SPAG16: variants seen among roughly 807,000 people sequenced by gnomAD.
The protein encoded by SPAG16 is sperm associated antigen 16.
A neutral mutation model predicts 80.4 loss-of-function variants in SPAG16; 86 were observed. The observed-to-expected ratio is 1.07, with a 90% CI of 0.90 to 1.28. The LOEUF is 1.28. Ranked by LOEUF, SPAG16 falls within the 50% of genes most tolerant of loss-of-function variation. SPAG16 has a pLI of 0.00. For missense variants in SPAG16, 870 were observed against 765.3 expected (o/e 1.14, Z -1.61); for synonymous variants, 294 against 265.9 (o/e 1.11, Z -1.03).
intron 10 of SPAG16, among the ~76,000 whole-genome samples, chr2:213,509,334 A>C (rs1372996027): frequency 6.6e-6 from 1 of 152,218 alleles, no homozygotes; most frequent in Non-Finnish European, 1.5e-5. Context: ...TGATGACCTC[A>C]TAAGCATGTT....
At chr2:214,108,492 C>CAA (rs1559803214) in intron 14 of SPAG16, among the ~76,000 whole-genome samples, 1 of 150,874 alleles carries the variant, frequency 6.6e-6, no homozygotes, top group Non-Finnish European at 1.5e-5. Flanking sequence ...CCCACACACA[C>CAA]CCCAAGTCGT....
At chr2:213,659,133 C>A (rs1170547719) in intron 10 of SPAG16, among the ~76,000 whole-genome samples, 1 of 152,108 alleles carries the variant, frequency 6.6e-6, no homozygotes, top group Non-Finnish European at 1.5e-5. Context: ...TCTTCAATAG[C>A]TCTTATGTCT....
At chr2:213,618,338 T>G (rs961430470) in intron 10 of SPAG16, among the ~76,000 whole-genome samples, 1 of 152,182 alleles carries the variant, frequency 6.6e-6, no homozygotes, top group Admixed American at 6.5e-5. Flanking sequence ...GCCTGATCAC[T>G]CCCTAGTCTA....
Position 214,083,678 on chromosome 2 carries a change from T to A in SPAG16, c.1528-24518T>A, listed in dbSNP as rs536999327. Among the ~76,000 whole-genome samples the A allele has an allele frequency of 2.6e-5, 4 of 152,286 alleles. No individual in the cohort carries two copies. In the East Asian group the frequency reaches 7.7e-4, roughly 29 times the overall value. On this transcript the variant is annotated intron_variant, in intron 13 of 15. Coordinates refer to ENST00000331683, the MANE Select transcript of SPAG16 (RefSeq NM_024532.5). ...ATCTGTCCCCCAACAACTCTTTTTT[T>A]AAAAAATAAATTCAAGTTTTATTCT...
At chr2:213,790,190 A>T (rs781666451) in intron 10 of SPAG16, among the ~76,000 whole-genome samples, 1 of 151,936 alleles carries the variant, frequency 6.6e-6, no homozygotes, top group South Asian at 2.1e-4. Context: ...ATCACTGATG[A>T]TTCATCACTG....
chr2:214,093,834 T>C (rs1281182550), intron 13 of SPAG16, among the ~76,000 whole-genome samples: 3 of 152,252 alleles, frequency 2.0e-5, no homozygotes, highest in Non-Finnish European at 2.9e-5. Context: ...ATAAATGGCA[T>C]GCTCTGGGGT....
chr2:213,802,475 A>G (rs777022819), intron 10 of SPAG16, among the ~76,000 whole-genome samples: 4 of 152,098 alleles, frequency 2.6e-5, no homozygotes, highest in Non-Finnish European at 5.9e-5. Flanking sequence ...GTGTCTTATC[A>G]TGATCTGATT....
At chr2:213,296,041 T>G in intron 1 of SPAG16, 23 bp from the exon 2 acceptor site, 1 of 1,601,898 alleles carries the variant, frequency 6.2e-7, no homozygotes, top group Non-Finnish European at 8.5e-7. Flanking sequence ...TTTTTTGAGA[T>G]TAAAACTTGA....
chr2:213,967,816 G>T (rs1467045757), intron 12 of SPAG16, among the ~76,000 whole-genome samples: 1 of 152,076 alleles, frequency 6.6e-6, no homozygotes, highest in African/African-American at 2.4e-5. Context: ...GAGTCTGTTT[G>T]CATAGTCACT....
chr2:214,046,457 T>TA (rs1354890969), intron 13 of SPAG16, among the ~76,000 whole-genome samples: 1 of 152,160 alleles, frequency 6.6e-6, no homozygotes, highest in African/African-American at 2.4e-5. Context: ...CTCAACCAAA[T>TA]ATTAGCAAAT....
intron 11 of SPAG16, among the ~76,000 whole-genome samples, chr2:213,906,218 A>G (rs2077426632): frequency 6.6e-6 from 1 of 151,990 alleles, no homozygotes; most frequent in Non-Finnish European, 1.5e-5. Context: ...TGCACCAATA[A>G]TGAACCAGCT....
Position 213,647,790 on chromosome 2 carries a change from CAGGCACTGTCTTCTCTG to C in SPAG16, c.1070+157702_1070+157718del, listed in dbSNP as rs2062872680. ...CCATGGACCCTATATCACCAGGCCC[CAGGCACTGTCTTCTCTG>C]AAGGGTGCAAGACATACCTCAAATA... On this transcript the variant is annotated intron_variant, in intron 10 of 15. Transcript: ENST00000331683. Among the ~76,000 whole-genome samples the C allele has an allele frequency of 3.3e-5, 5 of 152,190 alleles. 1 individual carries two copies. In the South Asian group the frequency reaches 1.0e-3, roughly 31 times the overall value.
At chr2:214,256,981 G>A (rs1690735958) in intron 15 of SPAG16, among the ~76,000 whole-genome samples, 2 of 151,800 alleles carry the variant, frequency 1.3e-5, no homozygotes, top group Non-Finnish European at 2.9e-5. Flanking sequence ...TTTTGGTGTG[G>A]AATGTATAGA....
Position 213,615,911 on chromosome 2 carries a change from A to T in SPAG16, c.1070+125821A>T, listed in dbSNP as rs184585030. ...CCATTTTGGGGGTGGGGGCAAGGGGAGGGATAGCATTAGGACAAATACCTA... is the reference window on the plus strand; with the variant it reads ...CCATTTTGGGGGTGGGGGCAAGGGGTGGGATAGCATTAGGACAAATACCTA... On this transcript the variant is annotated intron_variant, in intron 10 of 15. Transcript: ENST00000331683. 3.9e-5 allele frequency among the ~76,000 whole-genome samples: 6 copies of T among 152,162 alleles called. No individual in the cohort carries two copies. The East Asian group carries it at 1.2e-3, about 29-fold the overall frequency.
chr2:213,308,863 G>A (rs13418276), intron 3 of SPAG16, among the ~76,000 whole-genome samples: 33,020 of 151,940 alleles, frequency 0.22, 4,416 homozygotes, highest in Non-Finnish European at 0.31. Context: ...ACATAGTCCC[G>A]TTCCTCTCAA....
intron 10 of SPAG16, among the ~76,000 whole-genome samples, chr2:213,564,623 A>G (rs1260543592): frequency 6.6e-6 from 1 of 152,176 alleles, no homozygotes; most frequent in Non-Finnish European, 1.5e-5. Flanking sequence ...CTTGTAGTAC[A>G]TGCCTTGTAG....
chr2:213,332,315 A>G (rs1268701337), intron 5 of SPAG16, among the ~76,000 whole-genome samples: 1 of 152,184 alleles, frequency 6.6e-6, no homozygotes. Context: ...CTAGTTAGAT[A>G]CAAGCTACCA....
At chr2:214,026,631 A>C (rs1434712048) in intron 13 of SPAG16, among the ~76,000 whole-genome samples, 1 of 151,536 alleles carries the variant, frequency 6.6e-6, no homozygotes, top group African/African-American at 2.4e-5. Flanking sequence ...TGGTAAATAA[A>C]GTTATTCTAA....
intron 13 of SPAG16, among the ~76,000 whole-genome samples, chr2:214,035,760 C>T (rs1485431364): frequency 6.6e-6 from 1 of 152,200 alleles, no homozygotes; most frequent in Non-Finnish European, 1.5e-5. Flanking sequence ...TGCTTCCAGC[C>T]TCCAAAAGCA....
Sources: gnomAD v4.1 joint callset for allele counts (sites outside exome capture counted in the v4.1 genomes callset) on GRCh38, gnomAD v4.1.1 for gene constraint, MANE v1.5 for transcripts, NCBI Gene and HGNC (gene_info 2026-07-23, HGNC 2026-07-21) for gene names.